The following LINGO2 variants were observed in gnomAD, a reference collection of about 807,000 sequenced individuals.
LINGO2 encodes the protein leucine rich repeat and Ig domain containing 2.
In LINGO2, 14 loss-of-function variants were observed where a neutral mutation model predicts 30.6. That is an observed-to-expected ratio of 0.46 (90% CI 0.30 to 0.72). The LOEUF (loss-of-function observed/expected upper bound fraction) is 0.72. Among genes scored for constraint, LINGO2 ranks in the 30% least tolerant of loss-of-function variants. The pLI, the probability that LINGO2 is intolerant of heterozygous loss-of-function variation, is 0.07. For missense variants in LINGO2, 729 were observed against 751.7 expected, an observed-to-expected ratio of 0.97 and a Z score of 0.35; for synonymous variants, 317 against 288.5, an observed-to-expected ratio of 1.10 and a Z score of -1.00.
the LINGO2 span, among the ~76,000 whole-genome samples, chr9:29,026,810 GT>G: frequency 6.6e-6 from 1 of 151,934 alleles, no homozygotes; most frequent in Admixed American, 6.6e-5. Context: ...GCTGTTACAG[GT>G]ATCTACTTTT....
At chr9:28,745,301 C>T in the LINGO2 span, among the ~76,000 whole-genome samples, 1 of 152,004 alleles carries the variant, frequency 6.6e-6, no homozygotes, top group Admixed American at 6.5e-5. Flanking sequence ...GGCTTCAGCT[C>T]TATGTTGGTT....
intron 2 of LINGO2, among the ~76,000 whole-genome samples, chr9:28,460,258 A>C (rs1166657283): frequency 6.6e-6 from 1 of 152,210 alleles, no homozygotes; most frequent in African/African-American, 2.4e-5. Flanking sequence ...CACAACACTC[A>C]CATAAGATAT....
the LINGO2 span, among the ~76,000 whole-genome samples, chr9:28,711,241 G>A: frequency 2.0e-5 from 3 of 151,984 alleles, no homozygotes; most frequent in African/African-American, 4.8e-5. Flanking sequence ...TAGTTTAATT[G>A]CAATAATCTA....
chr9:27,995,479 T>A (rs907661268), intron 5 of LINGO2, among the ~76,000 whole-genome samples: 10 of 152,168 alleles, frequency 6.6e-5, no homozygotes, highest in African/African-American at 2.4e-4. Flanking sequence ...GCAGACATCC[T>A]AAACAAAATA....
chr9:28,048,306 C>T (rs1824516187), intron 4 of LINGO2, among the ~76,000 whole-genome samples: 1 of 150,912 alleles, frequency 6.6e-6, no homozygotes, highest in Non-Finnish European at 1.5e-5. Context: ...TAAGTGAAAA[C>T]ATTGTAATTA....
At chr9:28,275,792 A>G (rs1449486749) in intron 4 of LINGO2, among the ~76,000 whole-genome samples, 1 of 152,182 alleles carries the variant, frequency 6.6e-6, no homozygotes, top group African/African-American at 2.4e-5. Flanking sequence ...TGTTTTTTCT[A>G]TCTTTATGTA....
chr9:28,508,533 T>C (rs1820243691), intron 1 of LINGO2, among the ~76,000 whole-genome samples: 3 of 152,124 alleles, frequency 2.0e-5, no homozygotes, highest in African/African-American at 7.2e-5. Context: ...TTAAAAAGTC[T>C]AGCCCATATG....
exon 6 of LINGO2, chr9:27,950,099 T>C (rs1478177873): frequency 1.2e-6 from 2 of 1,614,110 alleles, no homozygotes; most frequent in Admixed American, 1.7e-5. Flanking sequence ...CTGTTGGTAC[T>C]GCTGTTAAGT....
At chr9:28,852,957 T>A in the LINGO2 span, among the ~76,000 whole-genome samples, 1 of 152,020 alleles carries the variant, frequency 6.6e-6, no homozygotes, top group Admixed American at 6.6e-5. Context: ...ACATGTGTAG[T>A]GACCAGGGCT....
the LINGO2 span, among the ~76,000 whole-genome samples, chr9:29,001,619 T>C: frequency 1.3e-5 from 2 of 152,172 alleles, no homozygotes; most frequent in South Asian, 2.1e-4. Context: ...TAGGTTTTAA[T>C]AATATATTAG....
chr9:28,841,310 G>A, the LINGO2 span, among the ~76,000 whole-genome samples: 2 of 151,622 alleles, frequency 1.3e-5, no homozygotes, highest in African/African-American at 4.9e-5. Flanking sequence ...TTTGAAAAGC[G>A]GATGAACAAA....
intron 4 of LINGO2, among the ~76,000 whole-genome samples, chr9:28,248,937 C>T (rs1393966756): frequency 6.6e-6 from 1 of 152,078 alleles, no homozygotes; most frequent in African/African-American, 2.4e-5. Context: ...TAATCTAAGT[C>T]ATTCATGTCA....
At chr9:28,967,938 T>G in the LINGO2 span, among the ~76,000 whole-genome samples, 2 of 152,310 alleles carry the variant, frequency 1.3e-5, no homozygotes, top group South Asian at 4.1e-4. Context: ...ATCAAAACCC[T>G]AATATTAAGT....
At chr9:27,963,111 C>CT (rs1819926898) in intron 5 of LINGO2, among the ~76,000 whole-genome samples, 1 of 152,118 alleles carries the variant, frequency 6.6e-6, no homozygotes, top group Non-Finnish European at 1.5e-5. Flanking sequence ...CATTTGTTAG[C>CT]TGTGGGACTT....
chr9:28,837,467 G>C, the LINGO2 span, among the ~76,000 whole-genome samples: 2 of 151,092 alleles, frequency 1.3e-5, no homozygotes, highest in Non-Finnish European at 2.9e-5. Flanking sequence ...CCAACATGGA[G>C]AAACCCCATC....
chr9:28,018,244 C>G (rs952961420), intron 4 of LINGO2, among the ~76,000 whole-genome samples: 1 of 152,114 alleles, frequency 6.6e-6, no homozygotes, highest in Non-Finnish European at 1.5e-5. Context: ...GAACCTAAAA[C>G]TATAAAAGTC....
the LINGO2 span, among the ~76,000 whole-genome samples, chr9:29,049,332 A>C: frequency 6.6e-6 from 1 of 152,152 alleles, no homozygotes; most frequent in East Asian, 1.9e-4. Flanking sequence ...CTGGGGAGGA[A>C]GTGGAAGAGG....
the LINGO2 span, among the ~76,000 whole-genome samples, chr9:29,165,727 C>T: frequency 6.6e-6 from 1 of 151,898 alleles, no homozygotes; most frequent in East Asian, 1.9e-4. Context: ...AATTAAGTAA[C>T]TGTGATTTAC....
intron 4 of LINGO2, among the ~76,000 whole-genome samples, chr9:28,289,173 T>C (rs183256313): frequency 1.1e-3 from 166 of 152,244 alleles, no homozygotes; most frequent in African/African-American, 3.9e-3. Context: ...TACATCACCA[T>C]AAAATAATGT....
Sources: allele counts gnomAD v4.1 joint callset (sites outside exome capture counted in the v4.1 genomes callset), GRCh38; gene constraint gnomAD v4.1.1; transcripts MANE v1.5; gene names NCBI Gene and HGNC (gene_info 2026-07-23, HGNC 2026-07-21).